The following SEL1L3 variants were observed in gnomAD, a reference collection of about 807,000 sequenced individuals.
SEL1L3 encodes protein sel-1 homolog 3.
SEL1L3 carries 76 observed loss-of-function variants against 142.8 expected under a neutral mutation model. The ratio of observed to expected loss-of-function variants is 0.53; its 90% confidence interval spans 0.44 to 0.64. The LOEUF (loss-of-function observed/expected upper bound fraction) is 0.64, where lower values mean the gene tolerates loss of function less well. SEL1L3 is among the 30% of genes least tolerant of loss of function. The pLI is 0.00. For missense variants in SEL1L3, 1,262 were observed against 1,381.7 expected (o/e 0.91, Z 1.37); for synonymous variants, 504 against 519.6 (o/e 0.97, Z 0.41).
intron 9 of SEL1L3, among the ~76,000 whole-genome samples, chr4:25,815,858 G>A (rs1480602772): frequency 3.6e-5 from 5 of 139,622 alleles, no homozygotes; most frequent in African/African-American, 9.9e-5. Context: ...TTTTGGAGAG[G>A]AGGGATATTG....
chr4:25,746,220 A>G (rs1247156743), downstream of SEL1L3, among the ~76,000 whole-genome samples: 1 of 151,998 alleles, frequency 6.6e-6, no homozygotes, highest in Non-Finnish European at 1.5e-5. Flanking sequence ...AAATAAAAAT[A>G]AAAAAGCATA....
downstream of SEL1L3, among the ~76,000 whole-genome samples, chr4:25,745,116 C>T (rs1199980781): frequency 2.0e-5 from 3 of 152,086 alleles, no homozygotes; most frequent in African/African-American, 4.8e-5. Context: ...GAGGAAAGGC[C>T]AGGCGTGGTG....
At chr4:25,759,698 G>A (rs2109124805) in intron 20 of SEL1L3, 1 of 152,392 alleles carries the variant, frequency 6.6e-6, no homozygotes, top group African/African-American at 2.4e-5. Context: ...GGGCTGTACG[G>A]ATCCAATAAA....
intron 13 of SEL1L3, among the ~76,000 whole-genome samples, chr4:25,787,355 C>T (rs1173694806): frequency 6.6e-6 from 1 of 152,086 alleles, no homozygotes; most frequent in Non-Finnish European, 1.5e-5. Flanking sequence ...GAGTGTGGCT[C>T]TCTCACTCAG....
chr4:25,755,994 G>T (rs1717930368), intron 23 of SEL1L3: 1 of 985,298 alleles, frequency 1.0e-6, no homozygotes, highest in Non-Finnish European at 1.2e-6. Flanking sequence ...AGCCTGGAAG[G>T]TTTTGATGGG....
upstream of SEL1L3, among the ~76,000 whole-genome samples, chr4:25,863,140 G>A: frequency 7.3e-6 from 1 of 136,330 alleles, no homozygotes; most frequent in Non-Finnish European, 1.6e-5. Context: ...CCTCGGAGCA[G>A]CGGGCGCCCA....
At chr4:25,743,909 A>G (rs1475327245), downstream of SEL1L3, among the ~76,000 whole-genome samples, 2 of 152,080 alleles carry the variant, frequency 1.3e-5, no homozygotes, top group Non-Finnish European at 2.9e-5. Flanking sequence ...CAGCTTGGAC[A>G]CTAGGCTTGT....
At chr4:25,775,672 G>A (rs1405862000) in intron 17 of SEL1L3, among the ~76,000 whole-genome samples, 1 of 152,156 alleles carries the variant, frequency 6.6e-6, no homozygotes, top group Admixed American at 6.5e-5. Flanking sequence ...AGCAAACAGG[G>A]AACATTTGTG....
At chr4:25,739,124 A>G in the SEL1L3 span, among the ~76,000 whole-genome samples, 2 of 152,190 alleles carry the variant, frequency 1.3e-5, no homozygotes, top group African/African-American at 4.8e-5. Flanking sequence ...CAGAACCATC[A>G]CTTGAACCTG....
chr4:25,778,418 A>G (rs1233715762), intron 16 of SEL1L3, among the ~76,000 whole-genome samples: 2 of 152,240 alleles, frequency 1.3e-5, no homozygotes, highest in African/African-American at 4.8e-5. Context: ...ATAGAAAATG[A>G]TAAGTATACA....
chr4:25,744,645 C>T (rs955875301), downstream of SEL1L3, among the ~76,000 whole-genome samples: 10 of 152,172 alleles, frequency 6.6e-5, no homozygotes, highest in African/African-American at 1.4e-4. Flanking sequence ...TGAGCCACTG[C>T]GCGCTGGCAC....
intron 3 of SEL1L3, 81 bp from the exon 4 acceptor site, chr4:25,833,650 A>T: frequency 7.8e-7 from 1 of 1,275,160 alleles, no homozygotes; most frequent in Non-Finnish European, 1.1e-6. Flanking sequence ...TGACCAAGTA[A>T]ATTGCTTTCT....
chr4:25,835,568 T>C (rs1015817435), intron 2 of SEL1L3, among the ~76,000 whole-genome samples: 1 of 152,242 alleles, frequency 6.6e-6, no homozygotes, highest in East Asian at 1.9e-4. Context: ...ATTCTACAGA[T>C]GAAAAGCCCG....
At chr4:25,760,089 C>T (rs1340328116) in intron 20 of SEL1L3, 1 of 152,146 alleles carries the variant, frequency 6.6e-6, no homozygotes, top group Admixed American at 6.6e-5. Flanking sequence ...CCAACCTCCA[C>T]CCTTAGGTGT....
intron 8 of SEL1L3, among the ~76,000 whole-genome samples, chr4:25,819,328 T>TC (rs1467063312): frequency 7.2e-6 from 1 of 139,396 alleles, no homozygotes; most frequent in East Asian, 2.0e-4. Context: ...ATGAGTCAAT[T>TC]TCAAGGATTT....
At chr4:25,823,104 A>G (rs931316845) in intron 6 of SEL1L3, among the ~76,000 whole-genome samples, 1 of 152,188 alleles carries the variant, frequency 6.6e-6, no homozygotes, top group African/African-American at 2.4e-5. Context: ...TTATCTCCCC[A>G]TGGGGTGGTG....
At chr4:25,721,909 G>A in the SEL1L3 span, among the ~76,000 whole-genome samples, 105 of 152,168 alleles carry the variant, frequency 6.9e-4, no homozygotes, top group Non-Finnish European at 1.3e-3. Context: ...TTGTGCTTTC[G>A]AGCCTTTTTG....
At chr4:25,744,030 A>C (rs919628634), downstream of SEL1L3, among the ~76,000 whole-genome samples, 2 of 152,206 alleles carry the variant, frequency 1.3e-5, no homozygotes, top group African/African-American at 4.8e-5. Context: ...CAGATGTCTA[A>C]GGTGGGACAT....
the SEL1L3 span, among the ~76,000 whole-genome samples, chr4:25,740,057 C>A: frequency 6.6e-6 from 1 of 151,984 alleles, no homozygotes; most frequent in Non-Finnish European, 1.5e-5. Context: ...CTCAGCCTCC[C>A]ACTAAGTGCT....
Sources: allele counts gnomAD v4.1 joint callset (sites outside exome capture counted in the v4.1 genomes callset), GRCh38; gene constraint gnomAD v4.1.1; transcripts MANE v1.5; gene names NCBI Gene and HGNC (gene_info 2026-07-23, HGNC 2026-07-21).